Variants in NFKBIZ observed in about 807,000 individuals in gnomAD.
The protein encoded by NFKBIZ is NF-kappa-B inhibitor zeta.
Under a neutral mutation model 76.8 loss-of-function variants are expected in NFKBIZ, and 19 were observed. The ratio of observed to expected loss-of-function variants is 0.25; its 90% CI spans 0.17 to 0.36. The LOEUF is 0.36. Among genes scored for constraint, NFKBIZ ranks in the 10% least tolerant of loss-of-function variants. The pLI is 1.00. For synonymous variants in NFKBIZ, 368 were observed against 354.8 expected, an observed-to-expected ratio of 1.04 and a Z score of -0.42; for missense variants, 829 against 910.9, an observed-to-expected ratio of 0.91 and a Z score of 1.16.
chr3:101,846,726 A>C (rs185096263), upstream of NFKBIZ, among the ~76,000 whole-genome samples: 121 of 152,370 alleles, frequency 7.9e-4, no homozygotes, highest in African/African-American at 2.8e-3. Flanking sequence ...AAATTCAAAT[A>C]GATTTTATTG....
chr3:101,852,087 G>T lies in NFKBIZ; in HGVS notation c.292G>T (p.Glu98Ter). ...GGARAERQPV[E>*]PHMGVGRQQR... ...ATGTTTTGTTTTCTTTTGAACAGTT[G>T]AGCCCCATATGGGGGTTGGCAGGCA... Residue 98 changes from glutamate to a stop codon, truncating the protein, a stop_gained and splice_region_variant, in exon 2 of 12, where the codon GAG (glutamate) becomes TAG (stop). Coordinates refer to ENST00000326172, the MANE Select transcript of NFKBIZ (RefSeq NM_031419.4). LOFTEE classifies it high-confidence loss of function. The T allele has an allele frequency of 6.2e-7, 1 of 1,613,578 alleles. No individual in the cohort carries two copies. The highest frequency in any genetic ancestry group is 8.5e-7 in the Non-Finnish European group (1 of 1,179,834).
intron 2 of NFKBIZ, among the ~76,000 whole-genome samples, chr3:101,843,969 AATTTT>A (rs1364564805): frequency 6.6e-6 from 1 of 152,238 alleles, no homozygotes; most frequent in East Asian, 1.9e-4. Context: ...GAAAAACTTG[AATTTT>A]ATTATTGGCA....
intron 2 of NFKBIZ, among the ~76,000 whole-genome samples, chr3:101,830,356 C>T (rs1334975650): frequency 6.6e-6 from 1 of 152,054 alleles, no homozygotes; most frequent in African/African-American, 2.4e-5. Flanking sequence ...ATTTTAGATT[C>T]AGGGGGTGCA....
intron 2 of NFKBIZ, among the ~76,000 whole-genome samples, chr3:101,837,514 GAAAA>G (rs1560083096): frequency 2.1e-5 from 3 of 141,576 alleles, no homozygotes; most frequent in Non-Finnish European, 3.1e-5. Context: ...AAAAAGAAAA[GAAAA>G]AAGAAAAAAA....
At chr3:101,852,622 C>A in intron 2 of NFKBIZ, 116 bp from the exon 3 acceptor site, 2 of 685,202 alleles carry the variant, frequency 2.9e-6, no homozygotes, top group South Asian at 2.1e-5. Context: ...GATAGAAAAA[C>A]CATATCAGAG....
chr3:101,839,702 T>A (rs72939612), intron 2 of NFKBIZ, among the ~76,000 whole-genome samples: 1 of 152,184 alleles, frequency 6.6e-6, no homozygotes, highest in African/African-American at 2.4e-5. Flanking sequence ...GTCAAAAATT[T>A]TCTTAATTTC....
Position 101,855,791 on chromosome 3 carries a change from G to C in NFKBIZ, c.1713G>C (p.Gln571His), listed in dbSNP as rs747341899. 1 of 1,614,060 alleles carries C rather than the reference G, an allele frequency of 6.2e-7. No homozygotes were observed. The highest frequency in any genetic ancestry group is 8.5e-7 in the Non-Finnish European group (1 of 1,179,998). The change falls in exon 9 of 12, where the codon CAG becomes CAC. Residue 571 changes from glutamine to histidine, a missense_variant. By Grantham distance (24) the Gln-to-His change is conservative. Around this residue, in one of 4 missense-constraint regions of NFKBIZ, gnomAD observed 272 missense variants for 384.2 expected, o/e 0.71. Coordinates refer to ENST00000326172, the MANE Select transcript of NFKBIZ (RefSeq NM_031419.4). ...ACAATGCTGTGGTCCATGAACTCCAGAGAAATCAACAGCCTCATTCACCTG... is the reference window on the plus strand; with the variant it reads ...ACAATGCTGTGGTCCATGAACTCCACAGAAATCAACAGCCTCATTCACCTG... ...IAHNAVVHEL[Q>H]RNQQPHSPEV...
intron 1 of NFKBIZ, 151 bp downstream of exon 1, chr3:101,850,068 C>G (rs900865058): frequency 3.6e-6 from 3 of 839,320 alleles, no homozygotes; most frequent in Non-Finnish European, 3.2e-6. Flanking sequence ...CCGCCTTGCC[C>G]GGGCCGGGCG....
Position 101,852,140 on chromosome 3 carries a change from G to A in NFKBIZ, c.345G>A (p.Arg115=). The A allele has an allele frequency of 6.2e-7, 1 of 1,614,178 alleles. No homozygotes were observed. The highest frequency in any genetic ancestry group is 8.5e-7 in the Non-Finnish European group (1 of 1,180,036). ...RQQRGPFQGV[R]VKNSVKELLL... ...AGAGAGGCCCCTTTCAAGGTGTTCGGGTAAAGAACTCAGTGAAGGAACTCC... is the reference window on the plus strand; with the variant it reads ...AGAGAGGCCCCTTTCAAGGTGTTCGAGTAAAGAACTCAGTGAAGGAACTCC... The change falls in exon 2 of 12, where the codon CGG becomes CGA. Residue 115 remains arginine, a synonymous_variant. Coordinates refer to ENST00000326172, the MANE Select transcript of NFKBIZ (RefSeq NM_031419.4).
chr3:101,854,419 A>C (rs560410850), intron 5 of NFKBIZ, among the ~76,000 whole-genome samples, 159 bp from the exon 6 acceptor site: 13 of 152,118 alleles, frequency 8.5e-5, no homozygotes, highest in Admixed American at 1.3e-4. Context: ...GGGGTGTATT[A>C]TCAATGTAGC....
chr3:101,857,364 C>A lies in NFKBIZ; in HGVS notation c.2008C>A (p.Arg670Ser). Residue 670 changes from arginine to serine, a missense_variant, in exon 11 of 12, where the codon CGC (arginine) becomes AGC (serine). Coordinates refer to ENST00000326172, the MANE Select transcript of NFKBIZ (RefSeq NM_031419.4). Reference sequence around the variant, plus strand: ...TCGGTTGACACAATTAGATGCTGTCCGCCTGTTGATGAGGAAGGGAGCAGA... The same window carrying A: ...TCGGTTGACACAATTAGATGCTGTCAGCCTGTTGATGAGGAAGGGAGCAGA... Reference protein sequence around the residue: ...QYRLTQLDAVRLLMRKGADPS... With the variant: ...QYRLTQLDAVSLLMRKGADPS... 6.2e-7 allele frequency: 1 copy of A among 1,614,190 alleles called. No homozygotes were observed. The highest frequency in any genetic ancestry group is 8.5e-7 in the Non-Finnish European group (1 of 1,180,028).
chr3:101,849,928 GC>G lies in NFKBIZ; in HGVS notation c.289+15del. 7.2e-7 allele frequency: 1 copy of G among 1,383,874 alleles called. No individual in the cohort carries two copies. Among genetic ancestry groups the G allele is most frequent in the Non-Finnish European group, 9.3e-7 (1 of 1,077,024 alleles). The allele number at this position is 1,383,874 out of a possible 1,614,324, so 85.7% of individuals were successfully genotyped here. On this transcript the variant is annotated intron_variant, in intron 1 of 11. Coordinates refer to ENST00000326172, the MANE Select transcript of NFKBIZ (RefSeq NM_031419.4). The stretch of plus-strand genomic sequence containing the variant: ...CCGAGCGCCAGCCAGGTACCCGCCG[GC>G]CCCGCACCGCTGCGTACTCGGGGCG...
chr3:101,842,592 C>CTT (rs573749526), intron 2 of NFKBIZ, among the ~76,000 whole-genome samples: 14 of 130,344 alleles, frequency 1.1e-4, no homozygotes, highest in Non-Finnish European at 2.0e-4. Flanking sequence ...CTTTTCTTTT[C>CTT]TTTTTTTTTT....
chr3:101,852,546 C>G (rs773964969), intron 2 of NFKBIZ, among the ~76,000 whole-genome samples, 192 bp from the exon 3 acceptor site: 2 of 151,950 alleles, frequency 1.3e-5, no homozygotes, highest in Non-Finnish European at 1.5e-5. Context: ...CTGCGTTGAG[C>G]TAAGGTGAAA....
At chr3:101,836,234 A>G (rs946253717) in intron 2 of NFKBIZ, among the ~76,000 whole-genome samples, 5 of 152,226 alleles carry the variant, frequency 3.3e-5, no homozygotes, top group African/African-American at 1.2e-4. Context: ...TAGACAGGTC[A>G]GAACTGAACC....
chr3:101,855,415 G>A lies in NFKBIZ; in HGVS notation c.1611G>A (p.Val537=). The A allele has an allele frequency of 6.2e-7, 1 of 1,614,192 alleles. No homozygotes were observed. The highest frequency in any genetic ancestry group is 8.5e-7 in the Non-Finnish European group (1 of 1,180,040). Residue 537 remains valine (V), a synonymous_variant, in exon 8 of 12, where the codon GTG becomes GTA. Coordinates refer to ENST00000326172, the MANE Select transcript of NFKBIZ (RefSeq NM_031419.4). ...QVLQAIQKGA[V]GSNQFVDLEA... The stretch of plus-strand genomic sequence containing the variant: ...TGCAGGCGATTCAGAAGGGAGCAGT[G>A]GGAAGTAATCAGTTTGTGGATCTTG...
chr3:101,855,726 C>T lies in NFKBIZ; in HGVS notation c.1655-7C>T, dbSNP rs1943040107. 1 of 1,580,130 alleles carries T rather than the reference C, an allele frequency of 6.3e-7. No homozygotes were observed. Reference sequence around the variant, plus strand: ...TTGACCACTGCTTGATTATACTTTTCTTCTAGGCCTGACTCCCCTTCACTG... The same window carrying T: ...TTGACCACTGCTTGATTATACTTTTTTTCTAGGCCTGACTCCCCTTCACTG... On this transcript the variant is annotated splice_region_variant and splice_polypyrimidine_tract_variant and intron_variant, in intron 8 of 11. Coordinates refer to ENST00000326172, the MANE Select transcript of NFKBIZ (RefSeq NM_031419.4).
In NFKBIZ at chr3:101,849,554, CCAGCCCGGGAGG is replaced by C; in HGVS notation, c.-69_-58del. The stretch of plus-strand genomic sequence containing the variant: ...GTCCGCCCGCCGACAGCTCCCTGAG[CCAGCCCGGGAGG>C]CAGCCGCGCGCAGCGAGCCGGTGGC... On this transcript the variant is annotated 5_prime_UTR_variant, in exon 1 of 12. Coordinates refer to ENST00000326172, the MANE Select transcript of NFKBIZ (RefSeq NM_031419.4). The C allele has an allele frequency of 1.6e-6, 2 of 1,247,402 alleles. No individual in the cohort carries two copies. The highest frequency in any genetic ancestry group is 2.0e-6 in the Non-Finnish European group (2 of 984,944). 77.3% of individuals were successfully genotyped at this position (1,247,402 alleles called of 1,614,324 possible). A position where few individuals can be genotyped will look rare whatever the true frequency, so the allele number is the denominator to read the frequency against.
chr3:101,853,272 C>A lies in NFKBIZ; in HGVS notation c.746C>A (p.Ser249Tyr). ...AACCCCGTGGTGGTCCCTCAGAGCT[C>A]CCCCGCAGAGCAGTGTCAGGACTTC... Reference protein sequence around the residue: ...WLNPVVVPQSSPAEQCQDFHG... With the variant: ...WLNPVVVPQSYPAEQCQDFHG... Residue 249 changes from serine to tyrosine, a missense_variant, in exon 5 of 12, where the codon TCC becomes TAC. Transcript: ENST00000326172. 1 of 1,614,126 alleles carries A rather than the reference C, an allele frequency of 6.2e-7. No individual in the cohort carries two copies. The highest frequency in any genetic ancestry group is 8.5e-7 in the Non-Finnish European group (1 of 1,180,022).
Sources: gnomAD v4.1 joint callset for allele counts (sites outside exome capture counted in the v4.1 genomes callset) on GRCh38, gnomAD v4.1.1 for gene constraint, gnomAD v4.1.1 regional missense constraint, MANE v1.5 for transcripts, NCBI Gene and HGNC (gene_info 2026-07-23, HGNC 2026-07-21) for gene names.